The following KIAA1328 variants were observed in gnomAD, a reference collection of about 807,000 sequenced individuals.
KIAA1328 encodes the protein KIAA1328.
In KIAA1328, 52 loss-of-function variants were observed where a neutral mutation model predicts 68.1. The ratio of observed to expected loss-of-function variants is 0.76; its 90% CI spans 0.61 to 0.96. KIAA1328 has a LOEUF of 0.96. KIAA1328 is among the 40% of genes least tolerant of loss of function. The pLI is 0.00. For synonymous variants in KIAA1328, 232 were observed against 239.4 expected (o/e 0.97, Z 0.28); for missense variants, 641 against 677.6 (o/e 0.95, Z 0.60).
intron 4 of KIAA1328, among the ~76,000 whole-genome samples, chr18:36,847,663 T>G (rs530592776): frequency 6.6e-6 from 1 of 151,732 alleles, no homozygotes; most frequent in Non-Finnish European, 1.5e-5. Context: ...AGTTGTCAAA[T>G]ATGCGTTTTA....
At chr18:36,892,864 TA>T (rs903676210) in intron 5 of KIAA1328, among the ~76,000 whole-genome samples, 11 of 152,298 alleles carry the variant, frequency 7.2e-5, no homozygotes, top group South Asian at 2.1e-4. Context: ...TTTGTTCTCT[TA>T]AAAATATTTA....
intron 4 of KIAA1328, among the ~76,000 whole-genome samples, chr18:36,877,878 A>G (rs1296007229): frequency 6.6e-6 from 1 of 151,864 alleles, no homozygotes; most frequent in Non-Finnish European, 1.5e-5. Context: ...CATGTTAGCC[A>G]GGATGGTCTC....
rs181159899 is a variant in KIAA1328 at position 36,850,513 on chromosome 18, A to C, written c.332+6211A>C. Among the ~76,000 whole-genome samples the C allele has an allele frequency of 1.5e-4, 23 of 152,218 alleles. No individual in the cohort carries two copies. The East Asian group carries it at 3.3e-3, about 22-fold the overall frequency. ...AAATCCTATATATATATTTTTTCCT[A>C]TACTTACATACCTATAATAAAGTTC... On this transcript the variant is annotated intron_variant, in intron 4 of 9. Transcript: ENST00000280020.
chr18:36,964,567 G>A (rs961732044), intron 6 of KIAA1328, among the ~76,000 whole-genome samples: 1 of 151,934 alleles, frequency 6.6e-6, no homozygotes, highest in Non-Finnish European at 1.5e-5. Context: ...AAAACAAGTT[G>A]GCTTTATTTA....
rs1399445920 is a variant in KIAA1328, at chr18:37,223,009, C to T, written c.*782C>T. ...TATCCCAGAATGAATAAGAACAATC[C>T]CTAGGTATTTTTATTTACCCAAGTG... On this transcript the variant is annotated 3_prime_UTR_variant, in exon 10 of 10. Transcript: ENST00000280020. 1.0e-6 allele frequency: 1 copy of T among 985,322 alleles called. No individual in the cohort carries two copies. The highest frequency in any genetic ancestry group is 1.1e-4 in the East Asian group (1 of 8,800). The allele number at this position is 985,322 out of a possible 1,614,324, so 61.0% of individuals were successfully genotyped here. A position where few individuals can be genotyped will look rare whatever the true frequency, so the allele number is the denominator to read the frequency against.
At chr18:37,168,773 T>C (rs1223225858) in intron 8 of KIAA1328, among the ~76,000 whole-genome samples, 1 of 152,236 alleles carries the variant, frequency 6.6e-6, no homozygotes, top group African/African-American at 2.4e-5. Flanking sequence ...ATTGGTATTG[T>C]ATCTGGGTGG....
At chr18:37,077,457 A>C (rs2056781896) in intron 7 of KIAA1328, among the ~76,000 whole-genome samples, 1 of 149,994 alleles carries the variant, frequency 6.7e-6, no homozygotes, top group East Asian at 1.9e-4. Context: ...ACTCCTATTC[A>C]ACATAGTGTT....
At chr18:37,197,202 G>C (rs542942426) in intron 9 of KIAA1328, among the ~76,000 whole-genome samples, 1 of 151,710 alleles carries the variant, frequency 6.6e-6, no homozygotes, top group African/African-American at 2.4e-5. Flanking sequence ...ATTTATTTAG[G>C]TCTTTTCTCT....
chr18:37,183,900 C>A (rs2059744453), intron 9 of KIAA1328, among the ~76,000 whole-genome samples: 1 of 152,122 alleles, frequency 6.6e-6, no homozygotes. Flanking sequence ...TCTAATATGC[C>A]ATGTAATTTA....
intron 4 of KIAA1328, among the ~76,000 whole-genome samples, chr18:36,846,774 T>G (rs954304829): frequency 1.3e-5 from 2 of 151,436 alleles, no homozygotes; most frequent in Non-Finnish European, 3.0e-5. Flanking sequence ...TGGGGGGTGG[T>G]AAAGTACACC....
At chr18:37,087,517 A>G (rs1325421995) in intron 7 of KIAA1328, among the ~76,000 whole-genome samples, 4 of 152,142 alleles carry the variant, frequency 2.6e-5, no homozygotes, top group East Asian at 3.8e-4. Context: ...AATTGTGTCT[A>G]TTTTCACCAA....
rs979468211 is a variant in KIAA1328, at chr18:37,129,875, G to A, written c.1233-30325G>A. ...AGTCTGTGAAGAAGGGTGGAAGGAA[G>A]TGTGGAGAACGAATTTCTTCCTCCT... On this transcript the variant is annotated intron_variant, in intron 7 of 9. Transcript: ENST00000280020. 1.3e-5 allele frequency among the ~76,000 whole-genome samples: 2 copies of A among 152,296 alleles called. 1 individual carries two copies. The highest frequency in any genetic ancestry group is 3.9e-4 in the East Asian group (2 of 5,186).
chr18:37,003,727 ATT>A (rs938615629), intron 6 of KIAA1328, among the ~76,000 whole-genome samples: 1 of 152,098 alleles, frequency 6.6e-6, no homozygotes, highest in African/African-American at 2.4e-5. Context: ...CAGATCTTAT[ATT>A]TAAGTCCTTG....
chr18:37,213,445 A>G (rs1298812244), intron 9 of KIAA1328, among the ~76,000 whole-genome samples: 1 of 152,184 alleles, frequency 6.6e-6, no homozygotes, highest in Admixed American at 6.5e-5. Context: ...GATGGTTTCC[A>G]GCTTCATCCA....
At position 37,013,161 on chromosome 18, in the gene KIAA1328, CT is replaced by C. The variant is rs539657959; in HGVS notation, c.577-53726del. Among the ~76,000 whole-genome samples, 225 of 152,176 alleles carry C rather than the reference CT, an allele frequency of 1.5e-3. 1 individual carries two copies. The highest frequency in any genetic ancestry group is 5.1e-3 in the African/African-American group (213 of 41,524). ...GCACCTGGATGGTCAGTCCTGTGGA[CT>C]TTCAGAGACAGGATAGGGTAGCAAG... On this transcript the variant is annotated intron_variant, in intron 6 of 9. Transcript: ENST00000280020.
intron 7 of KIAA1328, among the ~76,000 whole-genome samples, chr18:37,126,584 G>A (rs1271425300): frequency 6.6e-6 from 1 of 151,892 alleles, no homozygotes; most frequent in Non-Finnish European, 1.5e-5. Context: ...AATGAAGGAA[G>A]AAGGAATACT....
intron 6 of KIAA1328, among the ~76,000 whole-genome samples, chr18:36,997,754 A>G (rs1358137076): frequency 6.6e-6 from 1 of 152,162 alleles, no homozygotes; most frequent in Non-Finnish European, 1.5e-5. Flanking sequence ...CTGTAAAATG[A>G]GCAATCTGGG....
chr18:37,205,480 CAAGG>C (rs2060200041), intron 9 of KIAA1328, among the ~76,000 whole-genome samples: 1 of 152,122 alleles, frequency 6.6e-6, no homozygotes, highest in Non-Finnish European at 1.5e-5. Context: ...ATCAGACAAA[CAAGG>C]GAGGGGACAG....
rs192403027 is a variant in KIAA1328, at chr18:37,128,295, C to A, written c.1233-31905C>A. On this transcript the variant is annotated intron_variant, in intron 7 of 9. Coordinates refer to ENST00000280020, the MANE Select transcript of KIAA1328 (RefSeq NM_020776.3). ...ACCAGCCTGGCTAACATGGAGAAAC[C>A]CTGATTTTACTAAAAAAATACCAAA... Among the ~76,000 whole-genome samples the A allele has an allele frequency of 1.4e-3, 207 of 152,052 alleles. 2 individuals are homozygous for A. Among genetic ancestry groups the A allele is most frequent in the African/African-American group, 4.9e-3 (203 of 41,464 alleles).
Sources: gnomAD v4.1 joint callset for allele counts (sites outside exome capture counted in the v4.1 genomes callset) on GRCh38, gnomAD v4.1.1 for gene constraint, MANE v1.5 for transcripts, NCBI Gene and HGNC (gene_info 2026-07-23, HGNC 2026-07-21) for gene names.